The following BCL11A variants were observed in gnomAD, a reference collection of about 807,000 sequenced individuals.
BCL11A encodes B cell CLL/lymphoma 11A.
BCL11A carries 2 observed loss-of-function variants against 55.9 expected under a neutral mutation model. The ratio of observed to expected loss-of-function variants is 0.04; its 90% confidence interval spans 0.01 to 0.11. BCL11A has a LOEUF of 0.11. Ranked by LOEUF, BCL11A falls within the 10% of genes least tolerant of loss-of-function variation. The pLI is 1.00. For missense variants in BCL11A, 817 were observed against 1,137.1 expected (o/e 0.72, Z 4.05); for synonymous variants, 465 against 473.4 (o/e 0.98, Z 0.23).
intron 2 of BCL11A, among the ~76,000 whole-genome samples, chr2:60,529,370 G>A (rs1284870679): frequency 6.6e-6 from 1 of 152,228 alleles, no homozygotes; most frequent in East Asian, 1.9e-4. Flanking sequence ...TTGAGGAAGC[G>A]GAGGCTTAGG....
intron 2 of BCL11A, among the ~76,000 whole-genome samples, chr2:60,486,057 C>G (rs1314256388): frequency 1.3e-5 from 2 of 152,180 alleles, no homozygotes; most frequent in Non-Finnish European, 2.9e-5. Context: ...ATTTCCATAT[C>G]TACCCAAAAT....
chr2:60,461,311 A>T lies in BCL11A; in HGVS notation c.1601T>A (p.Val534Glu), dbSNP rs771946423. The T allele has an allele frequency of 5.6e-6, 9 of 1,600,820 alleles. No homozygotes were observed. The highest frequency in any genetic ancestry group is 5.1e-6 in the Non-Finnish European group (6 of 1,178,190). Residue 534 changes from valine to glutamate, a missense_variant, in exon 4 of 4, where the codon GTG becomes GAG. Val to Glu is a moderately radical substitution (Grantham distance 121). This residue lies in a region of BCL11A where 379 missense variants were observed against 425.3 expected (regional missense o/e 0.89). Transcript: ENST00000642384. ...GGCGCGGCTCTCGTCGCCCACGCCCACGACCGCGCCCCGCGAGCTGTTCTC... is the reference window on the plus strand; with the variant it reads ...GGCGCGGCTCTCGTCGCCCACGCCCTCGACCGCGCCCCGCGAGCTGTTCTC... Reference protein sequence around the residue: ...HHENSSRGAVVGVGDESRALP... With the variant: ...HHENSSRGAVEGVGDESRALP...
chr2:60,508,614 C>A (rs1207908239), intron 2 of BCL11A: 2 of 152,270 alleles, frequency 1.3e-5, no homozygotes, highest in African/African-American at 4.8e-5. Flanking sequence ...ACCTCAGGTA[C>A]TATGGCAAAC....
At chr2:60,505,181 C>T (rs79864466) in intron 2 of BCL11A, among the ~76,000 whole-genome samples, 1,754 of 152,280 alleles carry the variant, frequency 0.012, 30 homozygotes, top group African/African-American at 0.04. Context: ...ATCCTCATTA[C>T]TAACAGCACA....
At chr2:60,476,699 C>T (rs1677616576) in intron 2 of BCL11A, among the ~76,000 whole-genome samples, 1 of 152,224 alleles carries the variant, frequency 6.6e-6, no homozygotes, top group African/African-American at 2.4e-5. Flanking sequence ...TAACATTTTA[C>T]CTTTTAAGTG....
downstream of BCL11A, chr2:60,452,685 C>T (rs1419430639): frequency 6.3e-7 from 1 of 1,584,930 alleles, no homozygotes. Flanking sequence ...AGGTTGGAGA[C>T]AGAGGAGGGG....
intron 2 of BCL11A, among the ~76,000 whole-genome samples, chr2:60,540,946 TTGTGTGTGTGTGTGTGTGTGTGTG>T (rs368895286): frequency 7.1e-6 from 1 of 140,216 alleles, no homozygotes; most frequent in South Asian, 2.5e-4. Flanking sequence ...AGCACTGGTT[TTGTGTGTGTGTGTGTGTGTGTGTG>T]TGTGTGTGTG....
chr2:60,451,399 G>C (rs368178842), exon 5 of BCL11A: 1 of 228,158 alleles, frequency 4.4e-6, no homozygotes, highest in South Asian at 1.8e-4. Context: ...TCTCCAAGCA[G>C]TAAAAAATAC....
chr2:60,497,299 G>A (rs745788578), intron 2 of BCL11A, among the ~76,000 whole-genome samples: 3 of 152,212 alleles, frequency 2.0e-5, no homozygotes, highest in Non-Finnish European at 4.4e-5. Flanking sequence ...AAAATCTTTT[G>A]TAAAACGAAG....
rs1330007968 is a variant in BCL11A, at chr2:60,458,859, G to GA, written c.*1544dup. The GA allele has an allele frequency of 9.8e-7, 1 of 1,025,170 alleles. No individual in the cohort carries two copies. The allele number at this position is 1,025,170 out of a possible 1,614,324, so 63.5% of individuals were successfully genotyped here. Reference sequence around the variant, plus strand: ...GGGCAGATGCTAGCTTAATAAAAAAGAAAAAATTAAAAAAATAAAAATAAA... The same window carrying GA: ...GGGCAGATGCTAGCTTAATAAAAAAGAAAAAAATTAAAAAAATAAAAATAAA... On this transcript the variant is annotated 3_prime_UTR_variant, in exon 4 of 4. Transcript: ENST00000642384.
intron 3 of BCL11A, 74 bp from the exon 4 acceptor site, chr2:60,462,498 C>T: frequency 6.5e-7 from 1 of 1,533,106 alleles, no homozygotes; most frequent in South Asian, 1.3e-5. Flanking sequence ...ATTTATGTTC[C>T]ACCTCCAGCC....
chr2:60,484,595 C>G (rs866522549), intron 2 of BCL11A: 2 of 151,848 alleles, frequency 1.3e-5, no homozygotes, highest in African/African-American at 2.4e-5. Context: ...TTTTTTGCAC[C>G]GGTCAGCAGC....
At chr2:60,526,107 T>C (rs1010068467) in intron 2 of BCL11A, 3 of 152,194 alleles carry the variant, frequency 2.0e-5, no homozygotes, top group African/African-American at 2.4e-5. Context: ...GATTTCACTT[T>C]CTAGATATAA....
chr2:60,547,223 G>C (rs148988971), intron 1 of BCL11A, among the ~76,000 whole-genome samples: 24 of 152,274 alleles, frequency 1.6e-4, no homozygotes, highest in African/African-American at 4.6e-4. Context: ...GAGCAAGGCT[G>C]AGAAGTCCTT....
chr2:60,452,477 T>C, downstream of BCL11A: 1 of 1,006,312 alleles, frequency 9.9e-7, no homozygotes, highest in South Asian at 1.3e-5. Flanking sequence ...TCTTGGAGGC[T>C]ACTGTCAGAA....
chr2:60,477,445 C>G (rs1374776872), intron 2 of BCL11A, among the ~76,000 whole-genome samples: 1 of 152,148 alleles, frequency 6.6e-6, no homozygotes, highest in South Asian at 2.1e-4. Context: ...TAAAGAAAAC[C>G]AAACATGGGT....
rs1676068900 is a variant in BCL11A, at chr2:60,458,737, C to T, written c.*1667G>A. The T allele has an allele frequency of 9.7e-7, 1 of 1,033,112 alleles. No homozygotes were observed. Among genetic ancestry groups the T allele is most frequent in the Non-Finnish European group, 1.2e-6 (1 of 858,586 alleles). 64.0% of individuals were successfully genotyped at this position (1,033,112 alleles called of 1,614,324 possible). ...TGTACAGTGCACTTAATTGTCCTATCTGAGCAGGTTTATTTTATACTCAAC... is the reference window on the plus strand; with the variant it reads ...TGTACAGTGCACTTAATTGTCCTATTTGAGCAGGTTTATTTTATACTCAAC... On this transcript the variant is annotated 3_prime_UTR_variant, in exon 4 of 4. Transcript: ENST00000642384.
chr2:60,456,303 G>A (rs186282602), downstream of BCL11A, among the ~76,000 whole-genome samples: 41 of 152,332 alleles, frequency 2.7e-4, no homozygotes, highest in Non-Finnish European at 4.7e-4. Context: ...AGAGGTATGT[G>A]TTTAGTAAAG....
At chr2:60,473,011 G>C (rs998138251) in intron 2 of BCL11A, among the ~76,000 whole-genome samples, 5 of 131,134 alleles carry the variant, frequency 3.8e-5, no homozygotes, top group African/African-American at 1.3e-4. Flanking sequence ...GCATTTATGT[G>C]TACATATGTG....
Sources: gnomAD v4.1 joint callset for allele counts (sites outside exome capture counted in the v4.1 genomes callset) on GRCh38, gnomAD v4.1.1 for gene constraint, gnomAD v4.1.1 regional missense constraint, MANE v1.5 for transcripts, NCBI Gene and HGNC (gene_info 2026-07-23, HGNC 2026-07-21) for gene names.